The following PRELID2 variants were observed in gnomAD, a reference collection of about 807,000 sequenced individuals.
PRELID2 encodes the protein PRELI domain-containing protein 2.
Under a neutral mutation model 28.4 loss-of-function variants are expected in PRELID2, and 25 were observed. That is an observed-to-expected ratio of 0.88 (90% CI 0.64 to 1.23). The LOEUF is 1.23. Among genes scored for constraint, PRELID2 ranks in the 50% most tolerant of loss-of-function variants. PRELID2 has a pLI of 0.00. For synonymous variants in PRELID2, 76 were observed against 71.6 expected, an observed-to-expected ratio of 1.06 and a Z score of -0.31; for missense variants, 201 against 214.4, an observed-to-expected ratio of 0.94 and a Z score of 0.39.
intron 1 of PRELID2, among the ~76,000 whole-genome samples, chr5:145,524,344 C>T (rs1441389206): frequency 2.0e-5 from 3 of 152,198 alleles, no homozygotes; most frequent in Admixed American, 6.5e-5. Context: ...AACAAGAATC[C>T]GTGCGTGGCC....
chr5:145,371,334 A>C, the PRELID2 span, among the ~76,000 whole-genome samples: 2 of 152,118 alleles, frequency 1.3e-5, no homozygotes, highest in South Asian at 4.1e-4. Context: ...GGGATATTGA[A>C]TTTTATCAAA....
intron 1 of PRELID2, among the ~76,000 whole-genome samples, chr5:145,697,228 T>C (rs1755299778): frequency 6.6e-6 from 1 of 151,574 alleles, no homozygotes; most frequent in East Asian, 1.9e-4. Flanking sequence ...TATATGTAGA[T>C]AGATAGAGAC....
rs752173859 is a variant in PRELID2, at chr5:145,764,985, C to G, written c.490G>C (p.Glu164Gln). Residue 164 changes from glutamate (E) to glutamine (Q), a missense_variant, in exon 6 of 7, where the codon GAG (glutamate) becomes CAG (glutamine). By Grantham distance (29) the Glu-to-Gln change is conservative. Coordinates refer to ENST00000683046, the MANE Select transcript of PRELID2 (RefSeq NM_205846.3). ...CCACACTGTTCCTTTAGCAGCATCT[C>G]CATGATTCTAATTCCCTATAGAAAG... is the stretch of plus-strand genomic sequence containing the variant. ...QGAQKGIRIMEMLLKEQCGAP... is the reference protein window; with the variant it reads ...QGAQKGIRIMQMLLKEQCGAP... The G allele has an allele frequency of 3.1e-6, 5 of 1,609,242 alleles. No homozygotes were observed. The Admixed American group carries it at 8.4e-5, about 27-fold the overall frequency.
the PRELID2 span, among the ~76,000 whole-genome samples, chr5:145,376,743 C>T: frequency 6.6e-6 from 1 of 151,982 alleles, no homozygotes; most frequent in Non-Finnish European, 1.5e-5. Context: ...GTAATATCTC[C>T]CTTGTTTCTG....
At chr5:145,234,017 T>C in the PRELID2 span, among the ~76,000 whole-genome samples, 3 of 152,114 alleles carry the variant, frequency 2.0e-5, no homozygotes, top group Non-Finnish European at 4.4e-5. Flanking sequence ...GAGTGGAAAA[T>C]AGACACCCTT....
the PRELID2 span, among the ~76,000 whole-genome samples, chr5:145,299,458 A>G: frequency 9.6e-4 from 146 of 152,212 alleles, no homozygotes; most frequent in Non-Finnish European, 1.6e-3. Context: ...TTGTTGAATA[A>G]ACAAGATTGT....
the PRELID2 span, among the ~76,000 whole-genome samples, chr5:145,292,665 A>AT: frequency 1.1e-5 from 1 of 93,630 alleles, no homozygotes; most frequent in Non-Finnish European, 3.0e-5. Context: ...ACTTAAGAAC[A>AT]TAAAAAACAG....
intron 1 of PRELID2, among the ~76,000 whole-genome samples, chr5:145,707,425 C>T (rs7711277): frequency 0.038 from 5,745 of 152,206 alleles, 164 homozygotes; most frequent in South Asian, 0.083. Context: ...ATTATGAGCT[C>T]CAAGCTTATA....
chr5:145,441,836 C>T, the PRELID2 span, among the ~76,000 whole-genome samples: 2 of 152,118 alleles, frequency 1.3e-5, no homozygotes, highest in African/African-American at 2.4e-5. Context: ...CTCTAAGAAT[C>T]ACATGCAGCT....
At position 145,741,958 on chromosome 5, in the gene PRELID2, T is replaced by TATTTA. The variant is rs1561568839; in HGVS notation, n.70+22972_70+22973insTAAAT. Among the ~76,000 whole-genome samples, 5 of 11,350 alleles carry TATTTA rather than the reference T, an allele frequency of 4.4e-4. 1 individual carries two copies. Among genetic ancestry groups the TATTTA allele is most frequent in the African/African-American group, 5.8e-4 (5 of 8,642 alleles). 7.4% of individuals were successfully genotyped at this position (11,350 alleles called of 152,430 possible). ...TTATAAATAAATAAATTTATTATAA[T>TATTTA]TAAATAAATAAATTTATTTAATTAT... On this transcript the variant is annotated intron_variant and non_coding_transcript_variant, in intron 1 of 2. Transcript: ENST00000510259.
At chr5:145,563,743 T>C (rs1281547407) in intron 1 of PRELID2, among the ~76,000 whole-genome samples, 1 of 152,140 alleles carries the variant, frequency 6.6e-6, no homozygotes, top group Non-Finnish European at 1.5e-5. Context: ...AGACCCAAGC[T>C]GAGAGAATGG....
the PRELID2 span, among the ~76,000 whole-genome samples, chr5:145,364,071 G>A: frequency 4.0e-5 from 6 of 151,836 alleles, no homozygotes; most frequent in Non-Finnish European, 8.8e-5. Context: ...ACCCAATAAT[G>A]GAAAAGTCAC....
the PRELID2 span, among the ~76,000 whole-genome samples, chr5:145,339,479 T>A: frequency 6.6e-6 from 1 of 152,206 alleles, no homozygotes; most frequent in African/African-American, 2.4e-5. Context: ...GCCTAGAGGT[T>A]GCACAGAGAC....
rs745309247 is a variant in PRELID2, at chr5:145,627,097, C to CAAAAAAAAAAAAAAA, written n.70+137819_70+137833dup. Among the ~76,000 whole-genome samples the CAAAAAAAAAAAAAAA allele has an allele frequency of 1.7e-4, 7 of 41,826 alleles. 1 individual carries two copies. Among genetic ancestry groups the CAAAAAAAAAAAAAAA allele is most frequent in the Non-Finnish European group, 1.9e-4 (4 of 21,402 alleles). 27.4% of individuals were successfully genotyped at this position (41,826 alleles called of 152,430 possible). On this transcript the variant is annotated intron_variant and non_coding_transcript_variant, in intron 1 of 2. Transcript: ENST00000510259. ...CCTGGGTGACAGAGTAAGACTCTCC[C>CAAAAAAAAAAAAAAA]AAAAAAAAAAAAAAAAAAAAAAAAA... is the stretch of plus-strand genomic sequence containing the variant.
chr5:145,288,558 T>C, the PRELID2 span, among the ~76,000 whole-genome samples: 3 of 152,162 alleles, frequency 2.0e-5, no homozygotes, highest in Non-Finnish European at 4.4e-5. Context: ...AGTCATTTTA[T>C]TAGAAAATGG....
At chr5:145,642,174 C>A (rs1035682694) in intron 1 of PRELID2, among the ~76,000 whole-genome samples, 1 of 152,068 alleles carries the variant, frequency 6.6e-6, no homozygotes, top group African/African-American at 2.4e-5. Flanking sequence ...TCTCTAGCAC[C>A]TGTTGTTTCC....
intron 1 of PRELID2, among the ~76,000 whole-genome samples, chr5:145,652,375 A>G (rs531665582): frequency 5.9e-5 from 9 of 152,218 alleles, no homozygotes; most frequent in Admixed American, 1.3e-4. Context: ...GCAGGCCAAC[A>G]TTCAAATTCA....
At chr5:145,397,018 G>T in the PRELID2 span, among the ~76,000 whole-genome samples, 1 of 152,066 alleles carries the variant, frequency 6.6e-6, no homozygotes, top group Non-Finnish European at 1.5e-5. Context: ...ATTATACTAA[G>T]GGCACTGGGG....
At chr5:145,360,745 TAATA>T in the PRELID2 span, among the ~76,000 whole-genome samples, 1 of 152,220 alleles carries the variant, frequency 6.6e-6, no homozygotes, top group African/African-American at 2.4e-5. Flanking sequence ...TATGGAGTTA[TAATA>T]ATTCCAATCC....
Sources: allele counts gnomAD v4.1 joint callset (sites outside exome capture counted in the v4.1 genomes callset), GRCh38; gene constraint gnomAD v4.1.1; transcripts MANE v1.5; gene names NCBI Gene and HGNC (gene_info 2026-07-23, HGNC 2026-07-21).